CASP6: variants seen among roughly 807,000 people sequenced by gnomAD.
CASP6 encodes the protein caspase-6.
CASP6 carries 20 observed loss-of-function variants against 31.8 expected under a neutral mutation model. The ratio of observed to expected loss-of-function variants is 0.63; its 90% CI spans 0.44 to 0.91. CASP6 has a LOEUF of 0.91. CASP6 is among the 40% of genes least tolerant of loss of function. The pLI is 0.00. For synonymous variants in CASP6, 130 were observed against 127.8 expected, an observed-to-expected ratio of 1.02 and a Z score of -0.12; for missense variants, 328 against 361.1, an observed-to-expected ratio of 0.91 and a Z score of 0.74.
chr4:109,703,650 G>A, upstream of CASP6: 1 of 544,012 alleles, frequency 1.8e-6, no homozygotes, highest in South Asian at 2.5e-5. Context: ...CGCGGTCTTC[G>A]CCTCCAGGCC....
chr4:109,671,004 C>T, the CASP6 span, among the ~76,000 whole-genome samples: 2 of 152,204 alleles, frequency 1.3e-5, no homozygotes, highest in African/African-American at 2.4e-5. Flanking sequence ...GATTTCTGCT[C>T]ATGAGTCTCT....
At chr4:109,677,587 C>T in the CASP6 span, among the ~76,000 whole-genome samples, 1 of 152,096 alleles carries the variant, frequency 6.6e-6, no homozygotes, top group Admixed American at 6.5e-5. Flanking sequence ...TGAGGACCAA[C>T]GTGAGTGGAT....
the CASP6 span, chr4:109,682,989 C>T: frequency 2.3e-5 from 8 of 347,316 alleles, no homozygotes; most frequent in Non-Finnish European, 3.7e-5. Context: ...TTCAGAGCTG[C>T]CATCTTAAAC....
chr4:109,687,428 G>A (rs1218505909), downstream of CASP6: 24 of 882,568 alleles, frequency 2.7e-5, no homozygotes, highest in African/African-American at 5.0e-5. Flanking sequence ...GTAAGGAGAC[G>A]CTAAGTTTAT....
chr4:109,671,251 T>G, the CASP6 span, among the ~76,000 whole-genome samples: 1 of 152,194 alleles, frequency 6.6e-6, no homozygotes, highest in African/African-American at 2.4e-5. Flanking sequence ...AAATTACCAT[T>G]TTGGCCATTA....
At chr4:109,678,516 G>A in the CASP6 span, among the ~76,000 whole-genome samples, 575 of 147,404 alleles carry the variant, frequency 3.9e-3, 6 homozygotes, top group African/African-American at 0.014. Context: ...CAGATGGGGC[G>A]GTGGCCGGGC....
upstream of CASP6, among the ~76,000 whole-genome samples, chr4:109,706,129 TTTTATATATATATA>T (rs1234361634): frequency 8.0e-3 from 451 of 56,082 alleles, 12 homozygotes; most frequent in Non-Finnish European, 1.0e-2. Context: ...TACCTATCCA[TTTTATATATATATA>T]TATATATATA....
the CASP6 span, among the ~76,000 whole-genome samples, chr4:109,670,216 CT>C: frequency 6.6e-6 from 1 of 152,158 alleles, no homozygotes; most frequent in Non-Finnish European, 1.5e-5. Context: ...AGGTCTCAGT[CT>C]TTTAGTGAGC....
the CASP6 span, among the ~76,000 whole-genome samples, chr4:109,667,930 T>G: frequency 2.6e-5 from 4 of 152,184 alleles, no homozygotes; most frequent in African/African-American, 9.6e-5. Flanking sequence ...TTATTTAATA[T>G]CTAAGTATTT....
chr4:109,693,246 A>C (rs1211460645), intron 5 of CASP6, among the ~76,000 whole-genome samples: 2 of 152,248 alleles, frequency 1.3e-5, no homozygotes, highest in African/African-American at 2.4e-5. Flanking sequence ...ACTGTAGGCC[A>C]ATCAAATCTC....
At chr4:109,701,130 T>G (rs1254226995) in intron 1 of CASP6, among the ~76,000 whole-genome samples, 1 of 151,934 alleles carries the variant, frequency 6.6e-6, no homozygotes, top group Non-Finnish European at 1.5e-5. Context: ...GCTACTTTTT[T>G]TTTGTATTTT....
chr4:109,700,355 A>C (rs1370471786), intron 1 of CASP6, among the ~76,000 whole-genome samples: 1 of 152,178 alleles, frequency 6.6e-6, no homozygotes, highest in Non-Finnish European at 1.5e-5. Context: ...TGCTCAAGAA[A>C]ATCTGTTTAA....
chr4:109,683,286 G>A, the CASP6 span: 2 of 152,290 alleles, frequency 1.3e-5, no homozygotes, highest in East Asian at 3.9e-4. Context: ...TCCCATTTGT[G>A]GTTTTTATTT....
At chr4:109,678,366 G>A in the CASP6 span, among the ~76,000 whole-genome samples, 6 of 151,848 alleles carry the variant, frequency 4.0e-5, no homozygotes, top group South Asian at 6.3e-4. Context: ...CAGGTGGGGC[G>A]GCCGGGCAGA....
chr4:109,670,687 G>T, the CASP6 span, among the ~76,000 whole-genome samples: 2 of 151,418 alleles, frequency 1.3e-5, no homozygotes, highest in African/African-American at 4.9e-5. Flanking sequence ...TTGCACTCCA[G>T]CCTGGGCAAC....
At chr4:109,672,342 A>G in the CASP6 span, among the ~76,000 whole-genome samples, 1 of 152,014 alleles carries the variant, frequency 6.6e-6, no homozygotes, top group Non-Finnish European at 1.5e-5. Flanking sequence ...TCTGATCTTC[A>G]CTGTGAGAAC....
chr4:109,705,612 A>T (rs1262374205), upstream of CASP6, among the ~76,000 whole-genome samples: 3 of 152,154 alleles, frequency 2.0e-5, no homozygotes, highest in East Asian at 5.8e-4. Flanking sequence ...TTTGTGATTC[A>T]TGGGAGGTCA....
At position 109,696,423 on chromosome 4, in the gene CASP6, G is replaced by A; in HGVS notation, c.294C>T (p.Leu98=). ...FNDLKAEELL[L]KIHEVSTVSH... ...AAAACTACCTACCCTCATGAATTTT[G>A]AGCAGTAGTTCTTCTGCTTTAAGAT... The change falls in exon 4 of 7, where the codon CTC becomes CTT. Residue 98 remains leucine, a synonymous_variant. Coordinates refer to ENST00000265164, the MANE Select transcript of CASP6 (RefSeq NM_001226.4). 1 of 1,611,532 alleles carries A rather than the reference G, an allele frequency of 6.2e-7. No homozygotes were observed. The highest frequency in any genetic ancestry group is 1.1e-5 in the South Asian group (1 of 90,888).
At chr4:109,700,629 G>A (rs549804525) in intron 1 of CASP6, among the ~76,000 whole-genome samples, 2 of 151,984 alleles carry the variant, frequency 1.3e-5, no homozygotes, top group South Asian at 2.1e-4. Context: ...TTAATGCTAC[G>A]GATGTAGAAA....
Sources: allele counts gnomAD v4.1 joint callset (sites outside exome capture counted in the v4.1 genomes callset), GRCh38; gene constraint gnomAD v4.1.1; transcripts MANE v1.5; gene names NCBI Gene and HGNC (gene_info 2026-07-23, HGNC 2026-07-21).